The following NPSR1 variants were observed in gnomAD, a reference collection of about 807,000 sequenced individuals.
NPSR1 encodes neuropeptide S receptor 1.
In NPSR1, 48 loss-of-function variants were observed where a neutral mutation model predicts 46.9. The ratio of observed to expected loss-of-function variants is 1.02; its 90% confidence interval spans 0.81 to 1.30. The LOEUF (loss-of-function observed/expected upper bound fraction) is 1.30, where lower values mean the gene tolerates loss of function less well. Among genes scored for constraint, NPSR1 ranks in the 50% most tolerant of loss-of-function variants. The probability of loss-of-function intolerance (pLI) is 0.00; values close to 1 mark genes in which losing one functional copy is unlikely to be tolerated. For synonymous variants in NPSR1, 176 were observed against 168.1 expected (o/e 1.05, Z -0.36); for missense variants, 450 against 449.5 (o/e 1.00, Z -0.01).
Position 34,849,951 on chromosome 7 carries a change from G to C in NPSR1, c.*296G>C. The stretch of plus-strand genomic sequence containing the variant: ...GTGAACACAGGCATTAGTGGTCCAG[G>C]GTCCTGGCTTGGAGCCAGTGAGTAG... On this transcript the variant is annotated 3_prime_UTR_variant, in exon 9 of 9. Coordinates refer to ENST00000360581, the MANE Select transcript of NPSR1 (RefSeq NM_207172.2). The C allele has an allele frequency of 8.8e-7, 1 of 1,136,804 alleles. No homozygotes were observed. Among genetic ancestry groups the C allele is most frequent in the South Asian group, 2.9e-5 (1 of 33,940 alleles). 70.4% of individuals were successfully genotyped at this position (1,136,804 alleles called of 1,614,324 possible).
chr7:34,750,849 T>C, intron 2 of NPSR1: 1 of 696,464 alleles, frequency 1.4e-6, no homozygotes, highest in Non-Finnish European at 2.7e-6. Flanking sequence ...AGGCTTTGTC[T>C]GCTTGTCTTT....
rs1452894031 is a variant in NPSR1, at chr7:34,860,168, C to T, written c.1025+11505C>T. On this transcript the variant is annotated intron_variant, in intron 8 of 8. Transcript: ENST00000359791. ...CAAGAGCCAAGTTGGGAAATATGGC[C>T]ATGTGTTGATGTGATGTCTTGGAAC... 1.3e-5 allele frequency among the ~76,000 whole-genome samples: 2 copies of T among 151,524 alleles called. 1 individual carries two copies. The highest frequency in any genetic ancestry group is 4.9e-5 in the African/African-American group (2 of 40,918).
intron 2 of NPSR1, among the ~76,000 whole-genome samples, chr7:34,705,802 A>T (rs915476111): frequency 5.9e-5 from 9 of 152,016 alleles, no homozygotes; most frequent in African/African-American, 2.2e-4. Flanking sequence ...CTTCATTGTG[A>T]CTTTACTTGA....
At chr7:34,727,827 T>G (rs1784234965) in intron 2 of NPSR1, among the ~76,000 whole-genome samples, 1 of 152,190 alleles carries the variant, frequency 6.6e-6, no homozygotes, top group African/African-American at 2.4e-5. Context: ...TTTCTTCCAC[T>G]TCAACTTGAC....
intron 3 of NPSR1, among the ~76,000 whole-genome samples, chr7:34,805,501 A>AG (rs1788653343): frequency 6.7e-6 from 1 of 150,196 alleles, no homozygotes; most frequent in Admixed American, 6.6e-5. Context: ...AAAAAAAAAA[A>AG]CTTAATGTAG....
At chr7:34,785,486 C>T (rs1335597214) in intron 3 of NPSR1, among the ~76,000 whole-genome samples, 1 of 150,810 alleles carries the variant, frequency 6.6e-6, no homozygotes, top group African/African-American at 2.4e-5. Context: ...ACATATGTAA[C>T]TAACCTGCAC....
chr7:34,782,423 C>T (rs376946501), intron 3 of NPSR1, among the ~76,000 whole-genome samples: 2 of 152,134 alleles, frequency 1.3e-5, no homozygotes. Context: ...ACTGAAGACC[C>T]TATCAATTCT....
chr7:34,832,150 A>T (rs1156676264), intron 5 of NPSR1, among the ~76,000 whole-genome samples: 1 of 152,228 alleles, frequency 6.6e-6, no homozygotes, highest in Non-Finnish European at 1.5e-5. Context: ...GAAAACCTGG[A>T]TGGAGAGGAA....
chr7:34,696,167 A>C (rs1793519118), intron 2 of NPSR1, among the ~76,000 whole-genome samples: 1 of 152,072 alleles, frequency 6.6e-6, no homozygotes, highest in African/African-American at 2.4e-5. Context: ...CCTTTACAGA[A>C]ACATAGATAA....
chr7:34,869,764 C>T (rs900143947), intron 8 of NPSR1, among the ~76,000 whole-genome samples: 5 of 151,806 alleles, frequency 3.3e-5, no homozygotes, highest in African/African-American at 4.9e-5. Context: ...TAGGAAGTTA[C>T]ATTCTGTGGG....
intron 2 of NPSR1, among the ~76,000 whole-genome samples, chr7:34,689,907 T>C (rs979099128): frequency 2.0e-5 from 3 of 150,354 alleles, no homozygotes; most frequent in Non-Finnish European, 3.0e-5. Context: ...ATCATGCCAC[T>C]GCACTCCCAT....
chr7:34,733,228 T>C (rs1478702044), intron 2 of NPSR1, among the ~76,000 whole-genome samples: 1 of 152,116 alleles, frequency 6.6e-6, no homozygotes, highest in Non-Finnish European at 1.5e-5. Flanking sequence ...AAGACCAGCC[T>C]GGCCAACATG....
intron 2 of NPSR1, among the ~76,000 whole-genome samples, chr7:34,742,076 C>G (rs1021759127): frequency 2.6e-5 from 4 of 152,022 alleles, no homozygotes; most frequent in African/African-American, 9.7e-5. Context: ...TTCTTCTTCT[C>G]TAATATAAGC....
intron 2 of NPSR1, among the ~76,000 whole-genome samples, chr7:34,708,871 G>GCAGTAAACT (rs1356383567): frequency 6.6e-6 from 1 of 152,176 alleles, no homozygotes; most frequent in Non-Finnish European, 1.5e-5. Flanking sequence ...TGAGTGGTGA[G>GCAGTAAACT]CAGTAAACTT....
intron 3 of NPSR1, among the ~76,000 whole-genome samples, chr7:34,804,304 G>T (rs181634541): frequency 6.6e-6 from 1 of 152,060 alleles, no homozygotes; most frequent in African/African-American, 2.4e-5. Flanking sequence ...GTATAATCAT[G>T]TATAGAAAGA....
chr7:34,851,376 A>G (rs35151192), downstream of NPSR1, among the ~76,000 whole-genome samples: 490 of 151,774 alleles, frequency 3.2e-3, 3 homozygotes, highest in African/African-American at 0.012. Flanking sequence ...TTAGGAGGAA[A>G]TCAGACTCCT....
At chr7:34,761,295 T>C (rs1197474442) in intron 2 of NPSR1, 2 of 152,190 alleles carry the variant, frequency 1.3e-5, no homozygotes, top group Admixed American at 6.5e-5. Flanking sequence ...AGGATTTCCA[T>C]GTTGGGTATA....
At chr7:34,662,008 A>G (rs945324715) in intron 1 of NPSR1, among the ~76,000 whole-genome samples, 1 of 152,306 alleles carries the variant, frequency 6.6e-6, no homozygotes, top group Non-Finnish European at 1.5e-5. Context: ...TGGTGAATTC[A>G]CCAGCAATGT....
chr7:34,821,480 G>A (rs1188480229), intron 4 of NPSR1, among the ~76,000 whole-genome samples: 1 of 152,080 alleles, frequency 6.6e-6, no homozygotes, highest in Admixed American at 6.6e-5. Flanking sequence ...CTTTAGAAAG[G>A]GTTGAATGTG....
Sources: gnomAD v4.1 joint callset for allele counts (sites outside exome capture counted in the v4.1 genomes callset) on GRCh38, gnomAD v4.1.1 for gene constraint, MANE v1.5 for transcripts, NCBI Gene and HGNC (gene_info 2026-07-23, HGNC 2026-07-21) for gene names.